NEK1: variants seen among roughly 807,000 people sequenced by gnomAD.
NEK1 encodes serine/threonine-protein kinase Nek1.
NEK1 carries 137 observed loss-of-function variants against 182.1 expected under a neutral mutation model. The ratio of observed to expected loss-of-function variants is 0.75; its 90% CI spans 0.65 to 0.87. The LOEUF is 0.87. NEK1 is among the 40% of genes least tolerant of loss of function. The pLI, the probability that NEK1 is intolerant of heterozygous loss-of-function variation, is 0.00. For synonymous variants in NEK1, 513 were observed against 492.2 expected, an observed-to-expected ratio of 1.04 and a Z score of -0.56; for missense variants, 1,391 against 1,494.4, an observed-to-expected ratio of 0.93 and a Z score of 1.14.
intron 8 of NEK1, 79 bp from the exon 9 acceptor site, chr4:169,587,692 G>C: frequency 1.2e-6 from 1 of 850,726 alleles, no homozygotes; most frequent in Non-Finnish European, 1.8e-6. Context: ...CAGCATAAAA[G>C]TGTTTTGGAA....
chr4:169,478,245 G>A (rs1274323553), intron 24 of NEK1: 3 of 152,060 alleles, frequency 2.0e-5, no homozygotes, highest in Admixed American at 6.6e-5. Context: ...AAAGAAAACC[G>A]TTCAGTTATA....
intron 19 of NEK1, among the ~76,000 whole-genome samples, chr4:169,514,870 T>C (rs1021167021): frequency 2.0e-5 from 3 of 152,150 alleles, no homozygotes; most frequent in African/African-American, 7.2e-5. Flanking sequence ...AATTACTTCA[T>C]TCTGCTTGAT....
intron 27 of NEK1, among the ~76,000 whole-genome samples, chr4:169,453,376 C>T (rs1296017214): frequency 6.6e-6 from 1 of 152,212 alleles, no homozygotes; most frequent in African/African-American, 2.4e-5. Context: ...GCCAAAAGAA[C>T]AAACCTGGAG....
chr4:169,425,599 G>C (rs964701522), intron 30 of NEK1, among the ~76,000 whole-genome samples: 1 of 152,104 alleles, frequency 6.6e-6, no homozygotes, highest in African/African-American at 2.4e-5. Context: ...TGCCCAGGCT[G>C]GAGTGCAGTC....
At position 169,398,940 on chromosome 4, in the gene NEK1, A is replaced by G. The variant is rs143271773; in HGVS notation, c.3847+1285T>C. On this transcript the variant is annotated intron_variant, in intron 35 of 35. Coordinates refer to ENST00000507142, the MANE Select transcript of NEK1 (RefSeq NM_001199397.3). ...AATAAATTCTTGTTCAAAATTTTAC[A>G]TATTGCTTTTTGTGTCTACAAGTTT... Among the ~76,000 whole-genome samples the G allele has an allele frequency of 7.6e-3, 1,158 of 152,278 alleles. 11 individuals carry two copies. The highest frequency in any genetic ancestry group is 0.026 in the African/African-American group (1,092 of 41,558).
chr4:169,480,756 T>C (rs1460990461), intron 23 of NEK1, among the ~76,000 whole-genome samples: 1 of 152,200 alleles, frequency 6.6e-6, no homozygotes, highest in Admixed American at 6.5e-5. Flanking sequence ...TTCTTTATTA[T>C]TTAAATAAAG....
At chr4:169,447,876 A>G (rs906321633) in intron 27 of NEK1, among the ~76,000 whole-genome samples, 11 of 152,072 alleles carry the variant, frequency 7.2e-5, no homozygotes, top group Non-Finnish European at 1.5e-4. Flanking sequence ...CTCAAAAAAT[A>G]AAATGAAATA....
At chr4:169,543,488 C>T (rs752725398) in intron 18 of NEK1, among the ~76,000 whole-genome samples, 9 of 151,922 alleles carry the variant, frequency 5.9e-5, no homozygotes, top group Non-Finnish European at 1.3e-4. Context: ...TGGTTCCATA[C>T]GAAATTTAAA....
rs781688715 is a variant in NEK1, at chr4:169,477,443, T to C, written c.2194A>G (p.Asn732Asp). 20 of 1,606,212 alleles carry C rather than the reference T, an allele frequency of 1.2e-5. No individual in the cohort carries two copies. The highest frequency in any genetic ancestry group is 1.7e-4 in the Middle Eastern group (1 of 6,024). ...AAAATTTTACTTACTGAAATAGCAT[T>C]GTTGGTCTTTTGCATCTCTTCTGAA... ...ETSEEMQKTN[N>D]AISSKREILR... The change falls in exon 25 of 36, where the codon AAT becomes GAT. Residue 732 changes from asparagine to aspartate, a missense_variant. Asn to Asp is a conservative substitution (Grantham distance 23). This residue lies in a region of NEK1 where 1,216 missense variants were observed against 1,277.6 expected (regional missense o/e 0.95). Coordinates refer to ENST00000507142, the MANE Select transcript of NEK1 (RefSeq NM_001199397.3).
chr4:169,492,779 T>C (rs1271052571), intron 23 of NEK1, among the ~76,000 whole-genome samples: 3 of 152,058 alleles, frequency 2.0e-5, no homozygotes, highest in Non-Finnish European at 4.4e-5. Flanking sequence ...CTCAGGGAGT[T>C]TGGGGTCTCC....
intron 26 of NEK1, among the ~76,000 whole-genome samples, chr4:169,467,720 C>T (rs1286657892): frequency 1.3e-5 from 2 of 151,676 alleles, no homozygotes; most frequent in Admixed American, 6.6e-5. Flanking sequence ...CATTAATAAT[C>T]ACATTAAATG....
At chr4:169,419,322 T>A (rs1184191108) in intron 31 of NEK1, among the ~76,000 whole-genome samples, 2 of 150,982 alleles carry the variant, frequency 1.3e-5, no homozygotes, top group South Asian at 2.1e-4. Context: ...AACACTTTCA[T>A]ACAAACAAAA....
At chr4:169,431,890 G>A (rs1346627970) in intron 29 of NEK1, among the ~76,000 whole-genome samples, 1 of 151,546 alleles carries the variant, frequency 6.6e-6, no homozygotes, top group Non-Finnish European at 1.5e-5. Context: ...AACAATAAAA[G>A]ATAAACAAAA....
intron 27 of NEK1, among the ~76,000 whole-genome samples, chr4:169,462,703 C>G (rs1466520205): frequency 1.3e-5 from 2 of 152,096 alleles, no homozygotes; most frequent in Non-Finnish European, 2.9e-5. Flanking sequence ...AAAGTACACT[C>G]CACTTCCTCA....
At chr4:169,495,141 T>G (rs982476467) in intron 23 of NEK1, among the ~76,000 whole-genome samples, 2 of 151,984 alleles carry the variant, frequency 1.3e-5, no homozygotes, top group African/African-American at 2.4e-5. Flanking sequence ...TTGCTTTTGG[T>G]GTTTTAGACA....
intron 31 of NEK1, among the ~76,000 whole-genome samples, chr4:169,411,027 C>A (rs1046536628): frequency 1.3e-5 from 2 of 152,324 alleles, no homozygotes; most frequent in East Asian, 3.9e-4. Flanking sequence ...CTTCTGTTGC[C>A]TTGTGGTGAG....
In NEK1 at chr4:169,555,777, T is replaced by G. The variant is rs1487770020; in HGVS notation, c.1505A>C (p.Asp502Ala). ...CAATCTTTTCAAAGTTTTTCTAATA[T>G]CATCAGCATCAGGAAAATGGTGATG... ...AGHHHFPDAD[D>A]IRKTLKRLKA... The change falls in exon 18 of 36, where the codon GAT becomes GCT. Residue 502 changes from aspartate (D) to alanine (A), a missense_variant. Coordinates refer to ENST00000507142, the MANE Select transcript of NEK1 (RefSeq NM_001199397.3). 1 of 1,613,856 alleles carries G rather than the reference T, an allele frequency of 6.2e-7. No individual in the cohort carries two copies.
intron 19 of NEK1, among the ~76,000 whole-genome samples, chr4:169,509,897 G>T (rs1489887111): frequency 6.6e-6 from 1 of 151,786 alleles, no homozygotes; most frequent in Non-Finnish European, 1.5e-5. Context: ...TTATAAAACT[G>T]GTATTTTACT....
chr4:169,498,535 G>A (rs1250881574), intron 23 of NEK1, among the ~76,000 whole-genome samples: 3 of 152,156 alleles, frequency 2.0e-5, no homozygotes, highest in African/African-American at 7.2e-5. Context: ...TTTTTCAGTG[G>A]CTGGTACTGG....
Sources: allele counts gnomAD v4.1 joint callset (sites outside exome capture counted in the v4.1 genomes callset), GRCh38; gene constraint gnomAD v4.1.1; regional missense constraint gnomAD v4.1.1; transcripts MANE v1.5; gene names NCBI Gene and HGNC (gene_info 2026-07-23, HGNC 2026-07-21).